SI: variants seen among roughly 807,000 people sequenced by gnomAD.
SI encodes sucrase-isomaltase, intestinal.
Under a neutral mutation model 253.3 loss-of-function variants are expected in SI, and 235 were observed. The observed-to-expected ratio is 0.93, with a 90% confidence interval of 0.83 to 1.03. The LOEUF is 1.03. SI is among the 50% of genes least tolerant of loss of function. The probability of loss-of-function intolerance (pLI) is 0.00; values close to 1 mark genes in which losing one functional copy is unlikely to be tolerated. For missense variants in SI, 2,442 were observed against 2,211.1 expected (o/e 1.10, Z -2.09); for synonymous variants, 819 against 712.0 (o/e 1.15, Z -2.39).
At chr3:165,006,043 T>A (rs187392210) in intron 37 of SI, among the ~76,000 whole-genome samples, 1 of 152,364 alleles carries the variant, frequency 6.6e-6, no homozygotes, top group East Asian at 1.9e-4. Context: ...ATTACTATGA[T>A]CATTAATATT....
chr3:165,064,026 C>T (rs1301525068), intron 7 of SI, among the ~76,000 whole-genome samples: 1 of 151,014 alleles, frequency 6.6e-6, no homozygotes, highest in Non-Finnish European at 1.5e-5. Context: ...TTTGAGATAC[C>T]CTCACTGCAC....
intron 13 of SI, 90 bp from the exon 14 acceptor site, chr3:165,049,965 A>G (rs1466981159): frequency 6.0e-6 from 5 of 832,312 alleles, no homozygotes; most frequent in African/African-American, 3.4e-5. Context: ...AATGTTTTAT[A>G]TAAGATAACC....
intron 16 of SI, among the ~76,000 whole-genome samples, chr3:165,044,440 G>A (rs1713011662): frequency 6.6e-6 from 1 of 151,876 alleles, no homozygotes; most frequent in Non-Finnish European, 1.5e-5. Flanking sequence ...GATATTTTCA[G>A]ACAAATTTTA....
At position 165,023,722 on chromosome 3, in the gene SI, AAG is replaced by A. The variant is rs751263307; in HGVS notation, c.2945_2946del (p.Ser982LeufsTer16). 1.2e-6 allele frequency: 2 copies of A among 1,610,808 alleles called. No individual in the cohort carries two copies. The highest frequency in any genetic ancestry group is 1.7e-6 in the Non-Finnish European group (2 of 1,177,880). ...GAATAGCGAGCTGAGTTGACTGAAT[AAG>A]AGTTATCTTGTCTGGGAAAGTAACA... The part of the protein sequence containing the change: ...PECYFPRQDN[S>X]YSVNSARYSS... On this transcript the variant is annotated frameshift_variant, in exon 26 of 48. Coordinates refer to ENST00000264382, the MANE Select transcript of SI (RefSeq NM_001041.4). LOFTEE classifies it high-confidence loss of function.
chr3:165,068,902 G>A, intron 4 of SI, 71 bp from the exon 5 acceptor site: 2 of 1,111,164 alleles, frequency 1.8e-6, no homozygotes, highest in Non-Finnish European at 2.7e-6. Context: ...ATATATTTAT[G>A]TTATTGTATT....
Position 165,059,064 on chromosome 3 carries a change from C to T in SI, c.1297G>A (p.Gly433Ser). 1 of 1,612,464 alleles carries T rather than the reference C, an allele frequency of 6.2e-7. No individual in the cohort carries two copies. The highest frequency in any genetic ancestry group is 1.1e-5 in the South Asian group (1 of 91,040). Reference protein sequence around the residue: ...VIILDPAISIGRRANGTTYAT... With the variant: ...VIILDPAISISRRANGTTYAT... ...TATGTTGTTCCATTGGCACGTCGAC[C>T]TATGGAAATTGCAGGGTCCTAATAA... The change falls in exon 12 of 48, where the codon GGT (glycine) becomes AGT (serine). Residue 433 changes from glycine to serine, a missense_variant. By Grantham distance (56) the Gly-to-Ser change is moderately conservative. Transcript: ENST00000264382.
chr3:165,011,545 G>A (rs944822025), intron 34 of SI, among the ~76,000 whole-genome samples: 4 of 151,990 alleles, frequency 2.6e-5, no homozygotes, highest in African/African-American at 4.8e-5. Context: ...CTTAGAAAAT[G>A]TTCTATGGGC....
intron 47 of SI, 127 bp downstream of exon 47, chr3:164,982,116 A>T (rs1424323726): frequency 4.3e-6 from 3 of 692,220 alleles, no homozygotes; most frequent in Non-Finnish European, 7.3e-6. Flanking sequence ...GGCCTAATGA[A>T]AAGGAATATA....
intron 29 of SI, 36 bp from the exon 30 acceptor site, chr3:165,017,909 G>T (rs773629480): frequency 6.4e-7 from 1 of 1,574,168 alleles, no homozygotes; most frequent in Admixed American, 1.7e-5. Flanking sequence ...TTTCATCTAT[G>T]TATACTAGTT....
At chr3:165,070,354 A>G (rs1219652612) in intron 3 of SI, among the ~76,000 whole-genome samples, 5 of 143,566 alleles carry the variant, frequency 3.5e-5, no homozygotes, top group Non-Finnish European at 6.0e-5. Flanking sequence ...CCATATATAT[A>G]TATATATATA....
At position 164,991,599 on chromosome 3, in the gene SI, A is replaced by G. The variant is rs148982945; in HGVS notation, c.4984-122T>C. ...TACACTTTTAGATTAAAAAATTCACATTTATTCAGAAAATCTTAATTTGTT... is the reference window on the plus strand; with the variant it reads ...TACACTTTTAGATTAAAAAATTCACGTTTATTCAGAAAATCTTAATTTGTT... On this transcript the variant is annotated intron_variant, in intron 43 of 47. Transcript: ENST00000264382. 7 of 1,025,104 alleles carry G rather than the reference A, an allele frequency of 6.8e-6. No individual in the cohort carries two copies. The African/African-American group carries it at 1.1e-4, about 17-fold the overall frequency. 63.5% of individuals were successfully genotyped at this position (1,025,104 alleles called of 1,614,324 possible). A position where few individuals can be genotyped will look rare whatever the true frequency, so the allele number is the denominator to read the frequency against.
At chr3:165,057,406 T>C (rs111257183) in intron 12 of SI, among the ~76,000 whole-genome samples, 3 of 151,022 alleles carry the variant, frequency 2.0e-5, no homozygotes, top group African/African-American at 7.3e-5. Flanking sequence ...GAGAGAGAGA[T>C]AGAAAGTATA....
At chr3:165,007,419 A>T (rs2108156017) in intron 36 of SI, among the ~76,000 whole-genome samples, 1 of 152,234 alleles carries the variant, frequency 6.6e-6, no homozygotes. Context: ...AATATGAAAC[A>T]TCACATTCAT....
At chr3:165,023,225 T>C (rs889263309) in intron 26 of SI, among the ~76,000 whole-genome samples, 1 of 151,488 alleles carries the variant, frequency 6.6e-6, no homozygotes, top group Non-Finnish European at 1.5e-5. Context: ...GGCCAGAAAA[T>C]TAAGACCACA....
chr3:165,032,466 T>C, intron 24 of SI, 56 bp downstream of exon 24: 3 of 1,188,792 alleles, frequency 2.5e-6, no homozygotes, highest in Non-Finnish European at 2.5e-6. Context: ...AATGGTTATA[T>C]AATATTAAAT....
At position 165,049,808 on chromosome 3, in the gene SI, T is replaced by C; in HGVS notation, c.1580A>G (p.Tyr527Cys). Residue 527 changes from tyrosine (Y) to cysteine (C), a missense_variant, in exon 14 of 48, where the codon TAT (tyrosine) becomes TGT (cysteine). Coordinates refer to ENST00000264382, the MANE Select transcript of SI (RefSeq NM_001041.4). ...AATTTTACCAGGAGTAAACGGTGGA[T>C]AATTCAATTTGTTTACATTACATCC... is the stretch of plus-strand genomic sequence containing the variant. ...TKGCNVNKLN[Y>C]PPFTPDILDK... 1.3e-6 allele frequency: 2 copies of C among 1,598,988 alleles called. No homozygotes were observed. The highest frequency in any genetic ancestry group is 1.7e-6 in the Non-Finnish European group (2 of 1,167,344).
chr3:165,039,950 G>A lies in SI; in HGVS notation c.2181C>T (p.Ser727=), dbSNP rs1447194851. Reference sequence around the variant, plus strand: ...ACAAAAACTCAGTGTCCTCAATCCAGCTGTTCGTATCCTCATAAAACCTAA... The same window carrying A: ...ACAAAAACTCAGTGTCCTCAATCCAACTGTTCGTATCCTCATAAAACCTAA... ...VLHEFYEDTN[S]WIEDTEFLWG... is the part of the protein sequence containing the mutation. The change falls in exon 19 of 48, where the codon AGC becomes AGT. Residue 727 remains serine (S), a synonymous_variant. Transcript: ENST00000264382. 4 of 1,612,714 alleles carry A rather than the reference G, an allele frequency of 2.5e-6. No homozygotes were observed. Among genetic ancestry groups the A allele is most frequent in the Non-Finnish European group, 3.4e-6 (4 of 1,178,998 alleles).
intron 12 of SI, among the ~76,000 whole-genome samples, chr3:165,056,084 T>G (rs986590445): frequency 6.6e-6 from 1 of 152,150 alleles, no homozygotes; most frequent in African/African-American, 2.4e-5. Context: ...ATAATCACAT[T>G]AGGCAAGGAG....
intron 31 of SI, among the ~76,000 whole-genome samples, chr3:165,017,346 G>T (rs1276455369): frequency 6.6e-6 from 1 of 151,840 alleles, no homozygotes; most frequent in Non-Finnish European, 1.5e-5. Flanking sequence ...GGAGGGAAAA[G>T]GAAAAGGAAT....
Sources: allele counts gnomAD v4.1 joint callset (sites outside exome capture counted in the v4.1 genomes callset), GRCh38; gene constraint gnomAD v4.1.1; transcripts MANE v1.5; gene names NCBI Gene and HGNC (gene_info 2026-07-23, HGNC 2026-07-21).